The following RBM47 variants were observed in gnomAD, a reference collection of about 807,000 sequenced individuals.
RBM47 encodes the protein RNA-binding protein 47.
In RBM47, 21 loss-of-function variants were observed where a neutral mutation model predicts 47.1. The observed-to-expected ratio is 0.45, with a 90% CI of 0.32 to 0.64. The LOEUF (loss-of-function observed/expected upper bound fraction) is 0.64. RBM47 is among the 30% of genes least tolerant of loss of function. The pLI, the probability that RBM47 is intolerant of heterozygous loss-of-function variation, is 0.05. For missense variants in RBM47, 708 were observed against 870.9 expected, an observed-to-expected ratio of 0.81 and a Z score of 2.35; for synonymous variants, 375 against 361.7, an observed-to-expected ratio of 1.04 and a Z score of -0.42.
intron 1 of RBM47, among the ~76,000 whole-genome samples, chr4:40,590,874 C>T (rs1468825675): frequency 6.6e-6 from 1 of 152,226 alleles, no homozygotes; most frequent in Non-Finnish European, 1.5e-5. Flanking sequence ...GCGATCTTGG[C>T]TCGCTGCAAT....
At chr4:40,461,922 T>G (rs1717202161) in intron 3 of RBM47, among the ~76,000 whole-genome samples, 1 of 140,098 alleles carries the variant, frequency 7.1e-6, no homozygotes, top group Non-Finnish European at 1.5e-5. Flanking sequence ...GTGACAAGAG[T>G]GAAAACTCCG....
rs1416842246 is a variant in RBM47, at chr4:40,628,047, G to A, written c.-240+1349C>T. Among the ~76,000 whole-genome samples, 1 of 152,142 alleles carries A rather than the reference G, an allele frequency of 6.6e-6. No homozygotes were observed. The highest frequency in any genetic ancestry group is 2.1e-4 in the South Asian group (1 of 4,820). On this transcript the variant is annotated intron_variant, in intron 1 of 6. Transcript: ENST00000295971. The surrounding 1 kb of genome is among the most constrained non-coding windows in gnomAD (Gnocchi z 4.0). ...AGCATGGCCTACCTAGCCAGGTAAA[G>A]GACGGCACAGCTAGGCTTATTTCTT...
intron 2 of RBM47, among the ~76,000 whole-genome samples, chr4:40,478,983 G>A (rs920184500): frequency 3.3e-5 from 5 of 152,016 alleles, no homozygotes; most frequent in Non-Finnish European, 7.3e-5. Context: ...ATATGTGTGC[G>A]CATAGACATT....
At chr4:40,571,536 G>A (rs946927770) in intron 1 of RBM47, among the ~76,000 whole-genome samples, 1 of 152,014 alleles carries the variant, frequency 6.6e-6, no homozygotes, top group Non-Finnish European at 1.5e-5. Flanking sequence ...TTTATAATCT[G>A]AAATGAGACC....
intron 1 of RBM47, among the ~76,000 whole-genome samples, chr4:40,610,981 G>T (rs925676911): frequency 5.3e-5 from 8 of 152,116 alleles, no homozygotes; most frequent in Non-Finnish European, 1.0e-4. Context: ...CCAGTCTCGG[G>T]TATGTTTTTA....
At chr4:40,472,518 C>T (rs1046355604) in intron 2 of RBM47, among the ~76,000 whole-genome samples, 2 of 148,298 alleles carry the variant, frequency 1.3e-5, no homozygotes, top group Admixed American at 6.8e-5. Flanking sequence ...GCTGAGATCA[C>T]GCCATTGCAC....
chr4:40,519,856 G>A (rs1487497261), intron 2 of RBM47, among the ~76,000 whole-genome samples: 1 of 151,806 alleles, frequency 6.6e-6, no homozygotes, highest in Non-Finnish European at 1.5e-5. Context: ...TTTTAGTAGA[G>A]ACGGGGTTTC....
At chr4:40,589,502 T>C (rs1406908743) in intron 1 of RBM47, among the ~76,000 whole-genome samples, 2 of 152,048 alleles carry the variant, frequency 1.3e-5, no homozygotes, top group Non-Finnish European at 2.9e-5. Flanking sequence ...AGTGGCACAA[T>C]CTCAGCTCAC....
At chr4:40,480,375 A>T (rs1275936749) in intron 2 of RBM47, among the ~76,000 whole-genome samples, 6 of 152,178 alleles carry the variant, frequency 3.9e-5, no homozygotes, top group African/African-American at 1.4e-4. Context: ...AAACCCAGGC[A>T]TTCTGGCTCT....
chr4:40,501,538 A>C (rs1723365241), intron 2 of RBM47, among the ~76,000 whole-genome samples: 1 of 152,268 alleles, frequency 6.6e-6, no homozygotes, highest in African/African-American at 2.4e-5. Context: ...CATGTGCCAC[A>C]AAGTCCTTGG....
chr4:40,608,065 G>A (rs1331298340), intron 1 of RBM47, among the ~76,000 whole-genome samples: 1 of 151,782 alleles, frequency 6.6e-6, no homozygotes, highest in Admixed American at 6.6e-5. Flanking sequence ...TCACACCACT[G>A]CACTCCAGCC....
chr4:40,573,035 C>A (rs1339948209), intron 1 of RBM47, among the ~76,000 whole-genome samples: 1 of 151,118 alleles, frequency 6.6e-6, no homozygotes, highest in Non-Finnish European at 1.5e-5. Context: ...TGCCTGTAAT[C>A]CCAGCTAATT....
intron 1 of RBM47, among the ~76,000 whole-genome samples, chr4:40,620,049 T>G (rs1224727208): frequency 1.3e-5 from 2 of 149,506 alleles, no homozygotes; most frequent in Admixed American, 6.7e-5. Context: ...ATACAAAAAT[T>G]TGCCAGGCCT....
chr4:40,628,913 T>A lies in RBM47; in HGVS notation c.-240+483A>T, dbSNP rs577203876. Among the ~76,000 whole-genome samples the A allele has an allele frequency of 1.4e-4, 22 of 152,338 alleles. No homozygotes were observed. In the East Asian group the frequency reaches 3.9e-3, roughly 27 times the overall value. Reference sequence around the variant, plus strand: ...GTCCTACCCTTTTCTACAGGCTGAATTTTTAATTTGAAACAACTACACCTC... The same window carrying A: ...GTCCTACCCTTTTCTACAGGCTGAAATTTTAATTTGAAACAACTACACCTC... On this transcript the variant is annotated intron_variant, in intron 1 of 6. Transcript: ENST00000295971. This position sits in a 1 kb window ranked among gnomAD's most constrained non-coding sequence, Gnocchi z 4.0.
At chr4:40,482,021 A>C (rs1720502859) in intron 2 of RBM47, among the ~76,000 whole-genome samples, 1 of 152,182 alleles carries the variant, frequency 6.6e-6, no homozygotes, top group South Asian at 2.1e-4. Context: ...GGTGTGAGCC[A>C]CCGTACCTGG....
chr4:40,610,118 C>A (rs534079812), intron 1 of RBM47, among the ~76,000 whole-genome samples: 38 of 151,636 alleles, frequency 2.5e-4, no homozygotes, highest in African/African-American at 7.7e-4. Context: ...AACAAACAAA[C>A]AAAAAAACCT....
At chr4:40,492,316 T>G (rs1472415771) in intron 2 of RBM47, among the ~76,000 whole-genome samples, 1 of 152,086 alleles carries the variant, frequency 6.6e-6, no homozygotes, top group African/African-American at 2.4e-5. Context: ...GCTGCAGTGA[T>G]TGTGCCACTG....
chr4:40,476,926 A>T (rs1162335887), intron 2 of RBM47, among the ~76,000 whole-genome samples: 1 of 152,228 alleles, frequency 6.6e-6, no homozygotes, highest in African/African-American at 2.4e-5. Context: ...GGAAGGAGCC[A>T]GAGTTGGAAG....
chr4:40,581,754 G>T (rs1465626642), intron 1 of RBM47, among the ~76,000 whole-genome samples: 6 of 143,844 alleles, frequency 4.2e-5, no homozygotes, highest in Non-Finnish European at 9.2e-5. Context: ...CAGCCCAGGT[G>T]TATGGCATCA....
Sources: allele counts gnomAD v4.1 joint callset (sites outside exome capture counted in the v4.1 genomes callset), GRCh38; gene constraint gnomAD v4.1.1; non-coding constraint Gnocchi (gnomAD v3.1); transcripts MANE v1.5; gene names NCBI Gene and HGNC (gene_info 2026-07-23, HGNC 2026-07-21).